The following SCAMP1 variants were observed in gnomAD, a reference collection of about 807,000 sequenced individuals.
SCAMP1 encodes the protein secretory carrier membrane protein 1.
SCAMP1 carries 15 observed loss-of-function variants against 41.8 expected under a neutral mutation model. The observed-to-expected ratio is 0.36, with a 90% CI of 0.24 to 0.55. The LOEUF is 0.55. Ranked by LOEUF, SCAMP1 falls within the 20% of genes least tolerant of loss-of-function variation. The pLI is 0.86. For synonymous variants in SCAMP1, 135 were observed against 136.8 expected, an observed-to-expected ratio of 0.99 and a Z score of 0.09; for missense variants, 341 against 412.6, an observed-to-expected ratio of 0.83 and a Z score of 1.50.
chr5:78,390,925 C>G lies in SCAMP1; in HGVS notation c.135+2011C>G, dbSNP rs1483273281. On this transcript the variant is annotated intron_variant, in intron 2 of 8. Coordinates refer to ENST00000621999, the MANE Select transcript of SCAMP1 (RefSeq NM_004866.6). Reference sequence around the variant, plus strand: ...TTGCACCGCCCTTAATCCATTTAACCCTGAGTGGACACAGCACATGTTTCA... The same window carrying G: ...TTGCACCGCCCTTAATCCATTTAACGCTGAGTGGACACAGCACATGTTTCA... 2.1e-4 allele frequency among the ~76,000 whole-genome samples: 31 copies of G among 149,636 alleles called. No homozygotes were observed. In the East Asian group the frequency reaches 3.5e-3, roughly 17 times the overall value.
intron 8 of SCAMP1, among the ~76,000 whole-genome samples, chr5:78,465,249 G>A (rs76779591): frequency 0.014 from 2,135 of 152,262 alleles, 46 homozygotes; most frequent in African/African-American, 0.042. Flanking sequence ...CACCCCCCGC[G>A]TGAACAAGTC....
chr5:78,430,717 G>A (rs560258483), intron 6 of SCAMP1, among the ~76,000 whole-genome samples: 1 of 151,880 alleles, frequency 6.6e-6, no homozygotes, highest in Non-Finnish European at 1.5e-5. Flanking sequence ...TTTTAACCCA[G>A]ATCTTCAGAC....
chr5:78,474,820 A>G (rs1753967668), intron 8 of SCAMP1, among the ~76,000 whole-genome samples: 1 of 152,198 alleles, frequency 6.6e-6, no homozygotes, highest in South Asian at 2.1e-4. Context: ...TCATAGTTTA[A>G]TTATGCAGGT....
At chr5:78,370,659 T>G (rs1750920984) in intron 1 of SCAMP1, 1 of 152,240 alleles carries the variant, frequency 6.6e-6, no homozygotes, top group African/African-American at 2.4e-5. Flanking sequence ...GTGTTCTGTT[T>G]GATCACCTGT....
chr5:78,365,181 A>T (rs752047668), intron 1 of SCAMP1, among the ~76,000 whole-genome samples: 2 of 152,128 alleles, frequency 1.3e-5, no homozygotes, highest in Non-Finnish European at 2.9e-5. Context: ...AATTTAAGAA[A>T]TTCTGTTTAA....
chr5:78,360,953 T>G, intron 1 of SCAMP1: 5 of 531,328 alleles, frequency 9.4e-6, no homozygotes, highest in Admixed American at 3.4e-5. Context: ...CCGGTCGCCC[T>G]TCCACACGTC....
intron 8 of SCAMP1, among the ~76,000 whole-genome samples, chr5:78,468,942 C>T (rs1753807992): frequency 6.6e-6 from 1 of 152,168 alleles, no homozygotes; most frequent in Admixed American, 6.5e-5. Flanking sequence ...AGAACCCACA[C>T]ATCCATATAC....
At chr5:78,457,334 T>A (rs1294685434) in intron 7 of SCAMP1, among the ~76,000 whole-genome samples, 1 of 152,026 alleles carries the variant, frequency 6.6e-6, no homozygotes, top group Non-Finnish European at 1.5e-5. Context: ...TTTTGGTCTT[T>A]GATGATGGTG....
In SCAMP1 at chr5:78,442,069, C is replaced by T. The variant is rs145463294; in HGVS notation, c.633-7864C>T. ...GATTGAGCCCAAGAGGTTGAGGCTG[C>T]AGTGAGCTGTGATCATGCTGCTGCA... On this transcript the variant is annotated intron_variant, in intron 6 of 8. Coordinates refer to ENST00000621999, the MANE Select transcript of SCAMP1 (RefSeq NM_004866.6). Among the ~76,000 whole-genome samples the T allele has an allele frequency of 4.4e-4, 67 of 152,206 alleles. 1 individual carries two copies. The highest frequency in any genetic ancestry group is 1.6e-3 in the African/African-American group (65 of 41,538).
intron 8 of SCAMP1, among the ~76,000 whole-genome samples, chr5:78,471,657 G>T (rs1397938608): frequency 6.6e-6 from 1 of 152,062 alleles, no homozygotes; most frequent in Admixed American, 6.6e-5. Context: ...CAGTTTTTCT[G>T]TGTCATATAC....
intron 8 of SCAMP1, among the ~76,000 whole-genome samples, chr5:78,468,899 C>G (rs1482284437): frequency 6.6e-6 from 1 of 152,076 alleles, no homozygotes; most frequent in Non-Finnish European, 1.5e-5. Flanking sequence ...GTGACTCTTA[C>G]AGTTATCCCT....
intron 6 of SCAMP1, among the ~76,000 whole-genome samples, chr5:78,422,303 CA>C (rs1481411758): frequency 1.5e-5 from 2 of 133,744 alleles, no homozygotes; most frequent in Non-Finnish European, 3.2e-5. Context: ...ATCAAAATCC[CA>C]ATTGGTGCTT....
At chr5:78,440,099 C>T (rs1752879940) in intron 6 of SCAMP1, among the ~76,000 whole-genome samples, 1 of 152,096 alleles carries the variant, frequency 6.6e-6, no homozygotes, top group Non-Finnish European at 1.5e-5. Flanking sequence ...TCTAGTTAGC[C>T]ATTCGTCTAA....
intron 8 of SCAMP1, among the ~76,000 whole-genome samples, chr5:78,459,916 C>T (rs539434163): frequency 4.7e-4 from 71 of 152,252 alleles, no homozygotes; most frequent in African/African-American, 1.4e-3. Flanking sequence ...TCTTCTCCCT[C>T]CCTCCCTTTT....
At chr5:78,426,626 A>C (rs1752477012) in intron 6 of SCAMP1, among the ~76,000 whole-genome samples, 1 of 152,130 alleles carries the variant, frequency 6.6e-6, no homozygotes, top group Non-Finnish European at 1.5e-5. Flanking sequence ...AATGATTTTT[A>C]AGTAAATTAA....
intron 6 of SCAMP1, among the ~76,000 whole-genome samples, chr5:78,429,682 C>T (rs1420561509): frequency 6.6e-6 from 1 of 151,968 alleles, no homozygotes; most frequent in Non-Finnish European, 1.5e-5. Flanking sequence ...TACCAGAGTT[C>T]AGTAGTTTCC....
intron 6 of SCAMP1, among the ~76,000 whole-genome samples, chr5:78,442,139 G>T (rs1466423990): frequency 6.6e-6 from 1 of 151,886 alleles, no homozygotes; most frequent in South Asian, 2.1e-4. Context: ...AAAAAAAGAA[G>T]GAAAAAAGCA....
intron 2 of SCAMP1, among the ~76,000 whole-genome samples, chr5:78,397,553 A>T (rs1751682946): frequency 6.6e-6 from 1 of 152,206 alleles, no homozygotes; most frequent in African/African-American, 2.4e-5. Context: ...AGAATGGGAA[A>T]ATGTTTGCAG....
chr5:78,440,537 G>A (rs184491171), intron 6 of SCAMP1, among the ~76,000 whole-genome samples: 3 of 152,268 alleles, frequency 2.0e-5, no homozygotes, highest in Non-Finnish European at 2.9e-5. Flanking sequence ...ATTGCAGAAC[G>A]GCTAATGTTG....
Sources: gnomAD v4.1 joint callset for allele counts (sites outside exome capture counted in the v4.1 genomes callset) on GRCh38, gnomAD v4.1.1 for gene constraint, MANE v1.5 for transcripts, NCBI Gene and HGNC (gene_info 2026-07-23, HGNC 2026-07-21) for gene names.